The following ATG4B variants were observed in gnomAD, a reference collection of about 807,000 sequenced individuals.
The protein encoded by ATG4B is autophagy related 4B cysteine peptidase.
Under a neutral mutation model 56.6 loss-of-function variants are expected in ATG4B, and 29 were observed. The observed-to-expected ratio is 0.51, with a 90% CI of 0.38 to 0.70. The LOEUF (loss-of-function observed/expected upper bound fraction) is 0.70. ATG4B is among the 30% of genes least tolerant of loss of function. The pLI is 0.00. For synonymous variants in ATG4B, 224 were observed against 206.1 expected (o/e 1.09, Z -0.74); for missense variants, 461 against 515.5 (o/e 0.89, Z 1.02).
In ATG4B at chr2:241,666,961, A is replaced by C. The variant is rs1490027480; in HGVS notation, c.732+123A>C. On this transcript the variant is annotated intron_variant, in intron 8 of 12. Transcript: ENST00000404914. ...GCCGGCTCTCGGGGGAGGGGTAAAC[A>C]ACCCTGGTTTACACCGTTGCCCAAG... is the stretch of plus-strand genomic sequence containing the variant. The C allele has an allele frequency of 5.1e-6, 6 of 1,184,586 alleles. No individual in the cohort carries two copies. The East Asian group carries it at 1.3e-4, about 25-fold the overall frequency. The allele number at this position is 1,184,586 out of a possible 1,614,324, so 73.4% of individuals were successfully genotyped here.
Position 241,673,756 on chromosome 2 carries a change from T to A in ATG4B, c.*1492T>A. On this transcript the variant is annotated 3_prime_UTR_variant, in exon 13 of 13. Transcript: ENST00000404914. ...ACCTTGACCAAAGGGGAGCTTTGTC[T>A]CGTGTGTTTTGAAAAAGGCTTAATG... 1 of 454,968 alleles carries A rather than the reference T, an allele frequency of 2.2e-6. No homozygotes were observed. Among genetic ancestry groups the A allele is most frequent in the South Asian group, 1.6e-5 (1 of 64,486 alleles). The allele number at this position is 454,968 out of a possible 1,614,324, so 28.2% of individuals were successfully genotyped here.
intron 1 of ATG4B, among the ~76,000 whole-genome samples, chr2:241,647,371 C>G (rs928840494): frequency 2.3e-4 from 35 of 149,776 alleles, no homozygotes; most frequent in Non-Finnish European, 3.7e-4. Flanking sequence ...GTAATCCCAG[C>G]ACTTTGGGAG....
At chr2:241,665,183 T>C (rs1388149235) in intron 7 of ATG4B, among the ~76,000 whole-genome samples, 1 of 152,182 alleles carries the variant, frequency 6.6e-6, no homozygotes, top group Non-Finnish European at 1.5e-5. Context: ...TTTGAGAAAT[T>C]TGAGTCCTAC....
At chr2:241,649,738 C>T (rs905679179) in intron 1 of ATG4B, among the ~76,000 whole-genome samples, 1 of 151,974 alleles carries the variant, frequency 6.6e-6, no homozygotes. Flanking sequence ...AGACCCTGGG[C>T]CTCTCTAGTT....
At chr2:241,671,186 T>A in intron 11 of ATG4B, 126 bp from the exon 12 acceptor site, 1 of 816,260 alleles carries the variant, frequency 1.2e-6, no homozygotes, top group Non-Finnish European at 2.0e-6. Flanking sequence ...TGGAGCTGCC[T>A]CTGTTTTCTC....
Position 241,668,230 on chromosome 2 carries a change from A to G in ATG4B, c.811+9A>G, listed in dbSNP as rs1335374038. 1.3e-6 allele frequency: 2 copies of G among 1,594,010 alleles called. No homozygotes were observed. Among genetic ancestry groups the G allele is most frequent in the South Asian group, 1.1e-5 (1 of 87,290 alleles). Reference sequence around the variant, plus strand: ...CTTCATCGGCTACGTTGGTGAGTCCAGGGTTCCCACCGTGTCCCTGTGGGC... The same window carrying G: ...CTTCATCGGCTACGTTGGTGAGTCCGGGGTTCCCACCGTGTCCCTGTGGGC... On this transcript the variant is annotated intron_variant, in intron 9 of 12. Transcript: ENST00000404914. The surrounding 1 kb of genome is among the most constrained non-coding windows in gnomAD (Gnocchi z 4.2).
Position 241,651,391 on chromosome 2 carries a change from A to C in ATG4B, c.184+56A>C. 1.5e-6 allele frequency: 2 copies of C among 1,344,262 alleles called. No individual in the cohort carries two copies. Among genetic ancestry groups the C allele is most frequent in the Non-Finnish European group, 2.1e-6 (2 of 968,216 alleles). 83.3% of individuals were successfully genotyped at this position (1,344,262 alleles called of 1,614,324 possible). A position where few individuals can be genotyped will look rare whatever the true frequency, so the allele number is the denominator to read the frequency against. Reference sequence around the variant, plus strand: ...CAAAATATGTTTTTAGGAAGGAGGAAAACTTACGCTTGTAGATTTGACTTC... The same window carrying C: ...CAAAATATGTTTTTAGGAAGGAGGACAACTTACGCTTGTAGATTTGACTTC... On this transcript the variant is annotated intron_variant, in intron 3 of 12. Coordinates refer to ENST00000404914, the MANE Select transcript of ATG4B (RefSeq NM_013325.5). This position sits in a 1 kb window ranked among gnomAD's most constrained non-coding sequence, Gnocchi z 4.1.
Position 241,668,722 on chromosome 2 carries a change from G to A in ATG4B, c.957+37G>A. The A allele has an allele frequency of 1.3e-6, 2 of 1,538,986 alleles. No individual in the cohort carries two copies. The highest frequency in any genetic ancestry group is 1.7e-6 in the Non-Finnish European group (2 of 1,147,904). On this transcript the variant is annotated intron_variant, in intron 10 of 12. Transcript: ENST00000404914. This position sits in a 1 kb window ranked among gnomAD's most constrained non-coding sequence, Gnocchi z 4.2. ...CCACCTGAGCACACAGGCATTTGGT[G>A]CTGAATGCTGTTTGGGAATGACGAG... is the stretch of plus-strand genomic sequence containing the variant.
intron 12 of ATG4B, chr2:241,671,846 T>G: frequency 7.8e-7 from 1 of 1,281,282 alleles, no homozygotes; most frequent in Non-Finnish European, 1.0e-6. Context: ...CGTGAGCGCG[T>G]CCTCCTCATC....
chr2:241,672,456 C>T lies in ATG4B; in HGVS notation c.*192C>T. On this transcript the variant is annotated 3_prime_UTR_variant, in exon 13 of 13. Transcript: ENST00000404914. The stretch of plus-strand genomic sequence containing the variant: ...TACTGCTTGGTGTCAGACTGCCCAG[C>T]TCAGAGTGCCCGTCAGGGCCTGTGC... 1 of 608,252 alleles carries T rather than the reference C, an allele frequency of 1.6e-6. No homozygotes were observed. The highest frequency in any genetic ancestry group is 2.0e-5 in the South Asian group (1 of 50,890). The allele number at this position is 608,252 out of a possible 1,614,324, so 37.7% of individuals were successfully genotyped here.
chr2:241,667,490 G>C (rs1420894535), intron 8 of ATG4B, among the ~76,000 whole-genome samples: 1 of 151,718 alleles, frequency 6.6e-6, no homozygotes, highest in Non-Finnish European at 1.5e-5. Flanking sequence ...TGTAGTCCCA[G>C]CTACACAGGA....
At chr2:241,654,084 G>A (rs772486536) in intron 4 of ATG4B, among the ~76,000 whole-genome samples, 1 of 151,786 alleles carries the variant, frequency 6.6e-6, no homozygotes, top group Non-Finnish European at 1.5e-5. Context: ...TTGATAACTT[G>A]GCGTATATGT....
At chr2:241,666,045 G>C (rs565381645) in intron 7 of ATG4B, among the ~76,000 whole-genome samples, 79 of 152,356 alleles carry the variant, frequency 5.2e-4, no homozygotes, top group African/African-American at 1.8e-3. Flanking sequence ...TTATGTTCTG[G>C]GTTAAGCAGA....
chr2:241,645,829 G>T (rs552740166), intron 1 of ATG4B, among the ~76,000 whole-genome samples: 1 of 152,126 alleles, frequency 6.6e-6, no homozygotes. Context: ...TGTATGACTC[G>T]CTCCCAACAG....
At chr2:241,650,880 AG>A (rs1165330295) in intron 1 of ATG4B, 129 bp from the exon 2 acceptor site, 1 of 743,668 alleles carries the variant, frequency 1.3e-6, no homozygotes, top group Non-Finnish European at 2.2e-6. Context: ...CCGAGATACG[AG>A]AGGGAGTGCT....
chr2:241,673,415 G>A lies in ATG4B; in HGVS notation c.*1151G>A, dbSNP rs113736462. The A allele has an allele frequency of 0.028, 10,567 of 376,452 alleles. 918 individuals are homozygous for A. Among genetic ancestry groups the A allele is most frequent in the African/African-American group, 0.19 (9,269 of 47,710 alleles). The allele number at this position is 376,452 out of a possible 1,614,324, so 23.3% of individuals were successfully genotyped here. A position where few individuals can be genotyped will look rare whatever the true frequency, so the allele number is the denominator to read the frequency against. On this transcript the variant is annotated 3_prime_UTR_variant, in exon 13 of 13. Coordinates refer to ENST00000404914, the MANE Select transcript of ATG4B (RefSeq NM_013325.5). ...TAAACAGGAGGGCTTGGGGAGCGTG[G>A]GCACTTTTCTCATGAGCAGCTACTG...
At chr2:241,640,990 T>G (rs964961157) in intron 1 of ATG4B, among the ~76,000 whole-genome samples, 1 of 152,172 alleles carries the variant, frequency 6.6e-6, no homozygotes, top group Non-Finnish European at 1.5e-5. Context: ...TGATAGACTG[T>G]GTTCAACAGG....
intron 8 of ATG4B, among the ~76,000 whole-genome samples, chr2:241,667,243 G>A (rs1316903034): frequency 6.6e-6 from 1 of 152,274 alleles, no homozygotes; most frequent in Non-Finnish European, 1.5e-5. Flanking sequence ...AGGAAGGGAC[G>A]TGTGGGCAGG....
At position 241,642,871 on chromosome 2, in the gene ATG4B, CCTTTT is replaced by C. The variant is rs1241136861; in HGVS notation, c.10+5148_10+5152del. ...CTTAAGGTGTACAGCACCTCTCCGT[CCTTTT>C]TTTTTTTTTTTTTTTTTTTTTTAAG... is the stretch of plus-strand genomic sequence containing the variant. On this transcript the variant is annotated intron_variant, in intron 1 of 12. Coordinates refer to ENST00000404914, the MANE Select transcript of ATG4B (RefSeq NM_013325.5). Among the ~76,000 whole-genome samples the C allele has an allele frequency of 2.7e-4, 27 of 98,428 alleles. 1 individual carries two copies. Among genetic ancestry groups the C allele is most frequent in the Admixed American group, 8.3e-4 (7 of 8,420 alleles). The allele number at this position is 98,428 out of a possible 152,430, so 64.6% of individuals were successfully genotyped here.
Sources: allele counts gnomAD v4.1 joint callset (sites outside exome capture counted in the v4.1 genomes callset), GRCh38; gene constraint gnomAD v4.1.1; non-coding constraint Gnocchi (gnomAD v3.1); transcripts MANE v1.5; gene names NCBI Gene and HGNC (gene_info 2026-07-23, HGNC 2026-07-21).